Variants in FGF9 observed in about 807,000 individuals in gnomAD.
The protein encoded by FGF9 is fibroblast growth factor 9.
Under a neutral mutation model 19.9 loss-of-function variants are expected in FGF9, and 3 were observed. The ratio of observed to expected loss-of-function variants is 0.15; its 90% CI spans 0.07 to 0.39. The LOEUF is 0.39. Ranked by LOEUF, FGF9 falls within the 10% of genes least tolerant of loss-of-function variation. The pLI, the probability that FGF9 is intolerant of heterozygous loss-of-function variation, is 1.00. For missense variants in FGF9, 175 were observed against 256.8 expected, an observed-to-expected ratio of 0.68 and a Z score of 2.18; for synonymous variants, 107 against 106.9, an observed-to-expected ratio of 1.00 and a Z score of -0.01.
At chr13:21,697,132 G>A (rs933157247) in intron 2 of FGF9, among the ~76,000 whole-genome samples, 1 of 152,110 alleles carries the variant, frequency 6.6e-6, no homozygotes, top group African/African-American at 2.4e-5. Flanking sequence ...AAAAATGCTG[G>A]CTGTAGATTA....
At chr13:21,695,104 G>GTA (rs1037604517) in intron 2 of FGF9, among the ~76,000 whole-genome samples, 2 of 151,698 alleles carry the variant, frequency 1.3e-5, no homozygotes, top group Non-Finnish European at 2.9e-5. Flanking sequence ...GTGTGTGTGT[G>GTA]TGTGTGTGTG....
At chr13:21,698,382 A>G (rs1872464011) in intron 2 of FGF9, among the ~76,000 whole-genome samples, 1 of 152,218 alleles carries the variant, frequency 6.6e-6, no homozygotes, top group African/African-American at 2.4e-5. Context: ...TATTAACAAC[A>G]CTGTTGTTGA....
At chr13:21,687,495 C>T (rs1309676932) in intron 2 of FGF9, among the ~76,000 whole-genome samples, 1 of 152,172 alleles carries the variant, frequency 6.6e-6, no homozygotes, top group African/African-American at 2.4e-5. Context: ...CAGTAAAATG[C>T]ACACTGACAC....
chr13:21,697,385 G>A (rs1254114232), intron 2 of FGF9, among the ~76,000 whole-genome samples: 3 of 152,126 alleles, frequency 2.0e-5, no homozygotes, highest in Non-Finnish European at 4.4e-5. Flanking sequence ...GGCCTCAAGT[G>A]ATATTTCTGC....
rs1390439424 is a variant in FGF9, at chr13:21,672,934, G to A, written c.277+745G>A. Among the ~76,000 whole-genome samples the A allele has an allele frequency of 6.6e-6, 1 of 152,204 alleles. No individual in the cohort carries two copies. Among genetic ancestry groups the A allele is most frequent in the Non-Finnish European group, 1.5e-5 (1 of 68,052 alleles). ...CTCTCTGGTGTGAGTGTGTGCGCGCGTGCAAACGCTGCGAGCGAATTTTAA... is the reference window on the plus strand; with the variant it reads ...CTCTCTGGTGTGAGTGTGTGCGCGCATGCAAACGCTGCGAGCGAATTTTAA... On this transcript the variant is annotated intron_variant, in intron 1 of 2. Coordinates refer to ENST00000382353, the MANE Select transcript of FGF9 (RefSeq NM_002010.3). This position sits in a 1 kb window ranked among gnomAD's most constrained non-coding sequence, Gnocchi z 4.2.
At chr13:21,700,323 T>C (rs1338436210) in intron 2 of FGF9, among the ~76,000 whole-genome samples, 1 of 152,178 alleles carries the variant, frequency 6.6e-6, no homozygotes, top group African/African-American at 2.4e-5. Context: ...GAAAACTCAG[T>C]CATGATAGAA....
chr13:21,694,085 C>T lies in FGF9; in HGVS notation c.382-7105C>T, dbSNP rs540889827. On this transcript the variant is annotated intron_variant, in intron 2 of 2. Transcript: ENST00000382353. ...CACTAGAATCTTAGGCTTACAGGGA[C>T]CTTAGACATCTTAGTGCAATTTTTT... Among the ~76,000 whole-genome samples, 192 of 152,202 alleles carry T rather than the reference C, an allele frequency of 1.3e-3. 1 individual carries two copies. Among genetic ancestry groups the T allele is most frequent in the Non-Finnish European group, 2.1e-3 (141 of 68,006 alleles).
Position 21,702,557 on chromosome 13 carries a change from A to C in FGF9, c.*1122A>C, listed in dbSNP as rs1872573156. On this transcript the variant is annotated 3_prime_UTR_variant, in exon 3 of 3. Coordinates refer to ENST00000382353, the MANE Select transcript of FGF9 (RefSeq NM_002010.3). ...TTTAGCCGATCTCCAGAATGACAGT[A>C]TTAACATCAAACATTGTATTGATTT... The C allele has an allele frequency of 6.6e-6, 1 of 152,252 alleles. No homozygotes were observed. The allele number at this position is 152,252 out of a possible 1,614,324, so 9.4% of individuals were successfully genotyped here.
rs1216011786 is a variant in FGF9 at position 21,671,503 on chromosome 13, A to G, written c.-410A>G. 2.1e-5 allele frequency: 10 copies of G among 467,530 alleles called. No individual in the cohort carries two copies. The highest frequency in any genetic ancestry group is 3.4e-5 in the Non-Finnish European group (9 of 267,704). 29.0% of individuals were successfully genotyped at this position (467,530 alleles called of 1,614,324 possible). On this transcript the variant is annotated 5_prime_UTR_variant, in exon 1 of 3. Coordinates refer to ENST00000382353, the MANE Select transcript of FGF9 (RefSeq NM_002010.3). ...TAGCCCGTGCATCTTAAAAATCCCT[A>G]TAATAACGCCTAGGCATTTAAGTTG...
rs923422721 is a variant in FGF9, at chr13:21,671,090, CG to C, written c.-818del. ...CTGCCTGCGCCACTCTGCGCGCCGG[CG>C]GGGGCTGCGCAGGAGGAGCGCTCCG... On this transcript the variant is annotated 5_prime_UTR_variant, in exon 1 of 3. Coordinates refer to ENST00000382353, the MANE Select transcript of FGF9 (RefSeq NM_002010.3). Among the ~76,000 whole-genome samples, 1 of 152,114 alleles carries C rather than the reference CG, an allele frequency of 6.6e-6. No individual in the cohort carries two copies. The highest frequency in any genetic ancestry group is 1.5e-5 in the Non-Finnish European group (1 of 67,990).
chr13:21,701,117 C>T, intron 2 of FGF9, 73 bp from the exon 3 acceptor site: 1 of 1,266,092 alleles, frequency 7.9e-7, no homozygotes, highest in Non-Finnish European at 1.1e-6. Context: ...ACCTATCAAT[C>T]CATCCCCTAG....
intron 2 of FGF9, among the ~76,000 whole-genome samples, chr13:21,695,442 G>A (rs1347264155): frequency 6.6e-6 from 1 of 152,022 alleles, no homozygotes; most frequent in African/African-American, 2.4e-5. Flanking sequence ...TAGAGGTTTT[G>A]GAAAACAGGG....
chr13:21,701,571 TG>T lies in FGF9; in HGVS notation c.*138del. On this transcript the variant is annotated 3_prime_UTR_variant, in exon 3 of 3. Coordinates refer to ENST00000382353, the MANE Select transcript of FGF9 (RefSeq NM_002010.3). ...ACTTTGTCGCATGCATAATGTATGA[TG>T]GAGGCTTGGATGGGAATATGCTGAT... The T allele has an allele frequency of 1.6e-6, 2 of 1,243,120 alleles. No homozygotes were observed. The highest frequency in any genetic ancestry group is 1.8e-5 in the Admixed American group (1 of 56,022). The allele number at this position is 1,243,120 out of a possible 1,614,324, so 77.0% of individuals were successfully genotyped here.
intron 2 of FGF9, among the ~76,000 whole-genome samples, chr13:21,687,968 C>CTAGGTA (rs1872199403): frequency 6.6e-6 from 1 of 152,172 alleles, no homozygotes; most frequent in Non-Finnish European, 1.5e-5. Context: ...AGATTATGCC[C>CTAGGTA]TTTGCCTTCT....
At chr13:21,678,582 C>T (rs1329315413) in intron 1 of FGF9, among the ~76,000 whole-genome samples, 1 of 152,068 alleles carries the variant, frequency 6.6e-6, no homozygotes, top group Non-Finnish European at 1.5e-5. Flanking sequence ...TGCAGACCAG[C>T]CAGTGAAAAG....
At chr13:21,683,161 T>C (rs781259514) in intron 2 of FGF9, among the ~76,000 whole-genome samples, 1 of 152,224 alleles carries the variant, frequency 6.6e-6, no homozygotes, top group Non-Finnish European at 1.5e-5. Context: ...CCAGCATGAT[T>C]CAGACTCCTG....
intron 2 of FGF9, among the ~76,000 whole-genome samples, chr13:21,696,753 T>C (rs1872419234): frequency 6.6e-6 from 1 of 152,238 alleles, no homozygotes; most frequent in Admixed American, 6.5e-5. Context: ...AACATAAGTA[T>C]TTTCACCTCA....
chr13:21,702,992 AC>A lies in FGF9; in HGVS notation c.*1558del, dbSNP rs1872583406. 1 of 152,262 alleles carries A rather than the reference AC, an allele frequency of 6.6e-6. No homozygotes were observed. Among genetic ancestry groups the A allele is most frequent in the Admixed American group, 6.5e-5 (1 of 15,282 alleles). The allele number at this position is 152,262 out of a possible 1,614,324, so 9.4% of individuals were successfully genotyped here. A position where few individuals can be genotyped will look rare whatever the true frequency, so the allele number is the denominator to read the frequency against. ...ATTTTATGCTGAAAAGCATAAGAATACGTATTTCTTTAGTAGCAATAATTTT... is the reference window on the plus strand; with the variant it reads ...ATTTTATGCTGAAAAGCATAAGAATAGTATTTCTTTAGTAGCAATAATTTT... On this transcript the variant is annotated 3_prime_UTR_variant, in exon 3 of 3. Transcript: ENST00000382353.
intron 2 of FGF9, among the ~76,000 whole-genome samples, chr13:21,698,048 T>C (rs1565954029): frequency 1.3e-5 from 2 of 152,168 alleles, no homozygotes; most frequent in Non-Finnish European, 2.9e-5. Flanking sequence ...GACCTCGTGA[T>C]CCGCCCGCCT....
Sources: gnomAD v4.1 joint callset for allele counts (sites outside exome capture counted in the v4.1 genomes callset) on GRCh38, gnomAD v4.1.1 for gene constraint, Gnocchi (gnomAD v3.1) non-coding constraint, MANE v1.5 for transcripts, NCBI Gene and HGNC (gene_info 2026-07-23, HGNC 2026-07-21) for gene names.